The following FLG variants were observed in gnomAD, a reference collection of about 807,000 sequenced individuals.
The protein encoded by FLG is epidermal filaggrin.
FLG carries 6 observed loss-of-function variants against 3.8 expected under a neutral mutation model. The observed-to-expected ratio is 1.60, with a 90% CI of 0.87 to 3.15. The LOEUF is 3.15. Among genes scored for constraint, FLG ranks in the 30% most tolerant of loss-of-function variants. FLG has a pLI of 0.00. For synonymous variants in FLG, 2,551 were observed against 1,931.6 expected, an observed-to-expected ratio of 1.32 and a Z score of -8.41; for missense variants, 7,595 against 5,050.9, an observed-to-expected ratio of 1.50 and a Z score of -15.27.
chr1:152,304,969 T>G lies in FLG; in HGVS notation c.9917A>C (p.His3306Pro), dbSNP rs1281586097. The stretch of plus-strand genomic sequence containing the variant: ...TCTGGAGCTGTCTGCTGACTGCTGG[T>G]GGCGGGATCCGTGTCTCTCTCCTGG... ...SSPGERHGSR[H>P]QQSADSSRHS... The change falls in exon 3 of 3, where the codon CAC becomes CCC. Residue 3306 changes from histidine to proline, a missense_variant. Physicochemically the swap from His to Pro is moderately conservative, Grantham distance 77. Transcript: ENST00000368799. The G allele has an allele frequency of 1.2e-6, 2 of 1,613,908 alleles. No individual in the cohort carries two copies. Among genetic ancestry groups the G allele is most frequent in the East Asian group, 4.5e-5 (2 of 44,832 alleles).
At position 152,312,592 on chromosome 1, in the gene FLG, T is replaced by A. The variant is rs758594800; in HGVS notation, c.2294A>T (p.His765Leu). Residue 765 changes from histidine (H) to leucine (L), a missense_variant, in exon 3 of 3, where the codon CAT becomes CTT. By Grantham distance (99) the His-to-Leu change is moderately conservative. Coordinates refer to ENST00000368799, the MANE Select transcript of FLG (RefSeq NM_002016.2). ...EDSDTQSVSG[H>L]GQAGHHQQSH... ...CTGCTGATGGTGACCAGCCTGTCCA[T>A]GGCCTGACACTGACTGTGTGTCTGA... 8 of 1,613,528 alleles carry A rather than the reference T, an allele frequency of 5.0e-6. No homozygotes were observed. The Admixed American group carries it at 1.3e-4, about 27-fold the overall frequency.
At position 152,305,081 on chromosome 1, in the gene FLG, C is replaced by G; in HGVS notation, c.9805G>C (p.Asp3269His). The stretch of plus-strand genomic sequence containing the variant: ...CGAGTGCCTGATTGTCTGGAGCGGT[C>G]TGCAGAGTGCCCGTGACCGGCTCTG... ...EDRAGHGHSA[D>H]RSRQSGTRHA... is the part of the protein sequence containing the mutation. The change falls in exon 3 of 3, where the codon GAC becomes CAC. Residue 3269 changes from aspartate to histidine, a missense_variant. Asp to His is a moderately conservative substitution (Grantham distance 81). Transcript: ENST00000368799. The G allele has an allele frequency of 6.2e-7, 1 of 1,613,922 alleles. No individual in the cohort carries two copies. The highest frequency in any genetic ancestry group is 8.5e-7 in the Non-Finnish European group (1 of 1,179,962).
Position 152,302,826 on chromosome 1 carries a change from A to G in FLG, c.12060T>C (p.Phe4020=), listed in dbSNP as rs1325207983. Residue 4020 remains phenylalanine, a synonymous_variant, in exon 3 of 3, where the codon TTT becomes TTC. Coordinates refer to ENST00000368799, the MANE Select transcript of FLG (RefSeq NM_002016.2). ...ERSDICKASA[F]GKDHPRYYAT... is the part of the protein sequence containing the mutation. ...CATAATACCTTGGATGATCTTTACCAAACGCACTTGCTTTACAGATATCAG... is the reference window on the plus strand; with the variant it reads ...CATAATACCTTGGATGATCTTTACCGAACGCACTTGCTTTACAGATATCAG... The G allele has an allele frequency of 6.2e-7, 1 of 1,614,216 alleles. No homozygotes were observed. The highest frequency in any genetic ancestry group is 8.5e-7 in the Non-Finnish European group (1 of 1,180,034).
Position 152,309,970 on chromosome 1 carries a change from T to C in FLG, c.4916A>G (p.Asp1639Gly), listed in dbSNP as rs775390438. ...TGCAGAGTGCCCATGACTGGCTCTA[T>C]CTTCTTGATGGGACCTGGGGTTCCT... ...GSRNPRSHQEDRASHGHSAES... is the reference protein window; with the variant it reads ...GSRNPRSHQEGRASHGHSAES... Residue 1639 changes from aspartate (D) to glycine (G), a missense_variant, in exon 3 of 3, where the codon GAT (aspartate) becomes GGT (glycine). Asp to Gly is a moderately conservative substitution (Grantham distance 94, BLOSUM62 -1). Coordinates refer to ENST00000368799, the MANE Select transcript of FLG (RefSeq NM_002016.2). 1 of 1,614,032 alleles carries C rather than the reference T, an allele frequency of 6.2e-7. No individual in the cohort carries two copies. Among genetic ancestry groups the C allele is most frequent in the South Asian group, 1.1e-5 (1 of 91,070 alleles).
chr1:152,312,884 C>T lies in FLG; in HGVS notation c.2002G>A (p.Ala668Thr), dbSNP rs780350327. 6.2e-7 allele frequency: 1 copy of T among 1,614,028 alleles called. No homozygotes were observed. Among genetic ancestry groups the T allele is most frequent in the South Asian group, 1.1e-5 (1 of 91,074 alleles). The change falls in exon 3 of 3, where the codon GCT becomes ACT. Residue 668 changes from alanine to threonine, a missense_variant. Ala to Thr is a moderately conservative substitution (Grantham distance 58). Coordinates refer to ENST00000368799, the MANE Select transcript of FLG (RefSeq NM_002016.2). ...CTGTCTGCAGAGTGCCCATGACCAG[C>T]TCTGTCTTCGTGATGGGACCTGGGG... ...RHPRSHHEDRAGHGHSADSSR... is the reference protein window; with the variant it reads ...RHPRSHHEDRTGHGHSADSSR...
Position 152,310,252 on chromosome 1 carries a change from C to G in FLG, c.4634G>C (p.Arg1545Thr), listed in dbSNP as rs1348260250. 1.2e-6 allele frequency: 2 copies of G among 1,613,676 alleles called. No individual in the cohort carries two copies. The highest frequency in any genetic ancestry group is 1.1e-5 in the South Asian group (1 of 91,054). The change falls in exon 3 of 3, where the codon AGA becomes ACA. Residue 1545 changes from arginine (R) to threonine (T), a missense_variant. By Grantham distance (71) the Arg-to-Thr change is moderately conservative. Coordinates refer to ENST00000368799, the MANE Select transcript of FLG (RefSeq NM_002016.2). ...SGPRSASRQTRNEEQSGDGSR... is the reference protein window; with the variant it reads ...SGPRSASRQTTNEEQSGDGSR... ...GCCGTCTCCTGATTGTTCCTCATTT[C>G]TTGTTTGCCTGCTTGCACTTCTGGG...
chr1:152,309,497 C>T lies in FLG; in HGVS notation c.5389G>A (p.Ala1797Thr), dbSNP rs1180925419. The T allele has an allele frequency of 2.5e-6, 4 of 1,613,796 alleles. No homozygotes were observed. The highest frequency in any genetic ancestry group is 2.5e-6 in the Non-Finnish European group (3 of 1,179,946). Residue 1797 changes from alanine (A) to threonine (T), a missense_variant, in exon 3 of 3, where the codon GCA becomes ACA. Physicochemically the swap from Ala to Thr is moderately conservative, Grantham distance 58 (BLOSUM62 0). Transcript: ENST00000368799. ...GCTGAGTGCCTGGAGCTGTCTCGTG[C>T]CTGCTCGTGGCGGGATCTTTGTCTT... ...GGRQRSRHEQ[A>T]RDSSRHSASQ...
Position 152,309,218 on chromosome 1 carries a change from A to C in FLG, c.5668T>G (p.Ser1890Ala). 6.2e-7 allele frequency: 1 copy of C among 1,613,182 alleles called. No homozygotes were observed. The highest frequency in any genetic ancestry group is 8.5e-7 in the Non-Finnish European group (1 of 1,179,802). ...HSGSRHHEASSRADSSRHSQV... is the reference protein window; with the variant it reads ...HSGSRHHEASARADSSRHSQV... ...GAGTGTCTAGAGCTGTCGGCCCGAG[A>C]GGAAGCTTCATGGTGACGCGACCCT... The change falls in exon 3 of 3, where the codon TCT becomes GCT. Residue 1890 changes from serine (S) to alanine (A), a missense_variant. Ser to Ala is a moderately conservative substitution (Grantham distance 99). Coordinates refer to ENST00000368799, the MANE Select transcript of FLG (RefSeq NM_002016.2).
chr1:152,313,289 C>G lies in FLG; in HGVS notation c.1597G>C (p.Glu533Gln), dbSNP rs374889435. 3.1e-6 allele frequency: 5 copies of G among 1,613,708 alleles called. No homozygotes were observed. The highest frequency in any genetic ancestry group is 3.4e-6 in the Non-Finnish European group (4 of 1,180,014). Residue 533 changes from glutamate to glutamine, a missense_variant, in exon 3 of 3, where the codon GAG (glutamate) becomes CAG (glutamine). Coordinates refer to ENST00000368799, the MANE Select transcript of FLG (RefSeq NM_002016.2). The part of the protein sequence containing the change: ...SRGGRQGSHH[E>Q]QSVNRSGHSG... The stretch of plus-strand genomic sequence containing the variant: ...TGTCCAGACCTATTTACCGATTGCT[C>G]GTGGTGGGATCCCTGCCTTCCTCCT...
chr1:152,305,020 G>A lies in FLG; in HGVS notation c.9866C>T (p.Ser3289Leu). Residue 3289 changes from serine (S) to leucine (L), a missense_variant, in exon 3 of 3, where the codon TCA becomes TTA. Coordinates refer to ENST00000368799, the MANE Select transcript of FLG (RefSeq NM_002016.2). ...AETSSGGQAA[S>L]SHEQARSSPG... ...ACTTGATCTTGCCTGTTCATGGGAT[G>A]ATGCAGCCTGTCCACCAGAGGAAGT... is the stretch of plus-strand genomic sequence containing the variant. 1.2e-6 allele frequency: 2 copies of A among 1,613,966 alleles called. No individual in the cohort carries two copies. Among genetic ancestry groups the A allele is most frequent in the East Asian group, 2.2e-5 (1 of 44,842 alleles).
rs371838177 is a variant in FLG, at chr1:152,305,542, C to T, written c.9344G>A (p.Gly3115Glu). ...CCCCTGCCTTCCTCCTCTGCTTGAC[C>T]CCGGGTGTCCACGAATGGTGTCCTG... ...YGQDTIRGHPGSSRGGRQGYH... is the reference protein window; with the variant it reads ...YGQDTIRGHPESSRGGRQGYH... Residue 3115 changes from glycine (G) to glutamate (E), a missense_variant, in exon 3 of 3, where the codon GGG becomes GAG. Gly to Glu is a moderately conservative substitution (Grantham distance 98). Transcript: ENST00000368799. The T allele has an allele frequency of 1.3e-6, 2 of 1,531,984 alleles. No individual in the cohort carries two copies. Among genetic ancestry groups the T allele is most frequent in the South Asian group, 2.4e-5 (2 of 82,712 alleles). The allele number at this position is 1,531,984 out of a possible 1,614,324, so 94.9% of individuals were successfully genotyped here. A position where few individuals can be genotyped will look rare whatever the true frequency, so the allele number is the denominator to read the frequency against.
Position 152,315,364 on chromosome 1 carries a change from T to C in FLG, c.93A>G (p.Lys31=). ...CCTTTTCCAGAAGTTCCTTCAGCTC[T>C]TTTTTACTCAATGTGTCAGTGTTTT... ...KDKNTDTLSK[K]ELKELLEKEF... is the part of the protein sequence containing the mutation. The change falls in exon 2 of 3, where the codon AAA becomes AAG. Residue 31 remains lysine (K), a synonymous_variant. Coordinates refer to ENST00000368799, the MANE Select transcript of FLG (RefSeq NM_002016.2). 1.2e-6 allele frequency: 2 copies of C among 1,613,234 alleles called. No homozygotes were observed. Among genetic ancestry groups the C allele is most frequent in the African/African-American group, 1.3e-5 (1 of 75,022 alleles).
In FLG at chr1:152,315,612, G is replaced by A. The variant is rs767943371; in HGVS notation, c.-21-135C>T. 4 of 652,806 alleles carry A rather than the reference G, an allele frequency of 6.1e-6. No individual in the cohort carries two copies. In the Admixed American group the frequency reaches 9.2e-5, roughly 15 times the overall value. The allele number at this position is 652,806 out of a possible 1,614,324, so 40.4% of individuals were successfully genotyped here. A position where few individuals can be genotyped will look rare whatever the true frequency, so the allele number is the denominator to read the frequency against. ...CTTTAAGAATGGAAGATGGACATGA[G>A]AAACTTTTCTCTACCATCTACATAA... On this transcript the variant is annotated intron_variant, in intron 1 of 2. Transcript: ENST00000368799.
In FLG at chr1:152,308,511, G is replaced by C. The variant is rs200140094; in HGVS notation, c.6375C>G (p.Ser2125Arg). ...QGSHYDQAQD[S>R]SRHSASQEGQ... ...CCTCTTGGGATGCTGAGTGCCTGGA[G>C]CTGTCTTGTGCCTGATCATAATGGG... is the stretch of plus-strand genomic sequence containing the variant. Residue 2125 changes from serine to arginine, a missense_variant, in exon 3 of 3, where the codon AGC becomes AGG. Transcript: ENST00000368799. 6.2e-7 allele frequency: 1 copy of C among 1,613,746 alleles called. No homozygotes were observed.
rs1396024141 is a variant in FLG at position 152,313,735 on chromosome 1, T to C, written c.1151A>G (p.His384Arg). 1.2e-6 allele frequency: 2 copies of C among 1,614,018 alleles called. No homozygotes were observed. The highest frequency in any genetic ancestry group is 1.7e-6 in the Non-Finnish European group (2 of 1,180,006). The change falls in exon 3 of 3, where the codon CAT (histidine) becomes CGT (arginine). Residue 384 changes from histidine to arginine, a missense_variant. His to Arg is a conservative substitution (Grantham distance 29). Coordinates refer to ENST00000368799, the MANE Select transcript of FLG (RefSeq NM_002016.2). ...TGCTGACTGCTGGTGGCCGGATCCATGTCTTTCTCCTGGACTTGATCTTGC... is the reference window on the plus strand; with the variant it reads ...TGCTGACTGCTGGTGGCCGGATCCACGTCTTTCTCCTGGACTTGATCTTGC... ...EQARSSPGER[H>R]GSGHQQSADS...
chr1:152,305,355 G>C lies in FLG; in HGVS notation c.9531C>G (p.His3177Gln). The stretch of plus-strand genomic sequence containing the variant: ...AAGCTTCATGGTGACGTGACACTGA[G>C]TGCCTGGAGCTGTCTCCTGATTGTT... ...NEEQSGDSSR[H>Q]SVSRHHEAST... The change falls in exon 3 of 3, where the codon CAC (histidine) becomes CAG (glutamine). Residue 3177 changes from histidine to glutamine, a missense_variant. Physicochemically the swap from His to Gln is conservative, Grantham distance 24. Transcript: ENST00000368799. The C allele has an allele frequency of 6.2e-7, 1 of 1,608,334 alleles. No individual in the cohort carries two copies. The highest frequency in any genetic ancestry group is 8.5e-7 in the Non-Finnish European group (1 of 1,178,870).
In FLG at chr1:152,303,127, G is replaced by A; in HGVS notation, c.11759C>T (p.Ser3920Leu). The A allele has an allele frequency of 1.2e-6, 2 of 1,614,186 alleles. No homozygotes were observed. Among genetic ancestry groups the A allele is most frequent in the Non-Finnish European group, 1.7e-6 (2 of 1,180,038 alleles). ...ATGTTCCTTAGCGGTACTAGAGTCTGACTGTACAGGTGAAGACTGTACATG... is the reference window on the plus strand; with the variant it reads ...ATGTTCCTTAGCGGTACTAGAGTCTAACTGTACAGGTGAAGACTGTACATG... ...ASHVQSSPVQSDSSTAKEHGH... is the reference protein window; with the variant it reads ...ASHVQSSPVQLDSSTAKEHGH... The change falls in exon 3 of 3, where the codon TCA (serine) becomes TTA (leucine). Residue 3920 changes from serine (S) to leucine (L), a missense_variant. Transcript: ENST00000368799.
intron 1 of FLG, among the ~76,000 whole-genome samples, chr1:152,322,413 A>G (rs192674114): frequency 6.6e-6 from 1 of 151,310 alleles, no homozygotes; most frequent in East Asian, 1.9e-4. Context: ...AATAAACTAA[A>G]CATGCTTCTG....
chr1:152,315,178 A>G (rs536777198), intron 2 of FLG, 141 bp downstream of exon 2: 16 of 833,172 alleles, frequency 1.9e-5, no homozygotes, highest in East Asian at 5.0e-5. Context: ...GGAAGAAAAT[A>G]AAATCTATCT....
Sources: allele counts gnomAD v4.1 joint callset (sites outside exome capture counted in the v4.1 genomes callset), GRCh38; gene constraint gnomAD v4.1.1; transcripts MANE v1.5; gene names NCBI Gene and HGNC (gene_info 2026-07-23, HGNC 2026-07-21).